Variants in PCDHGA2 observed in about 807,000 individuals in gnomAD.
PCDHGA2 encodes the protein protocadherin gamma subfamily A, 2.
PCDHGA2 carries 40 observed loss-of-function variants against 59.2 expected under a neutral mutation model. The ratio of observed to expected loss-of-function variants is 0.68; its 90% confidence interval spans 0.52 to 0.88. The LOEUF (loss-of-function observed/expected upper bound fraction) is 0.88, where lower values mean the gene tolerates loss of function less well. Among genes scored for constraint, PCDHGA2 ranks in the 40% least tolerant of loss-of-function variants. The pLI, the probability that PCDHGA2 is intolerant of heterozygous loss-of-function variation, is 0.00. For missense variants in PCDHGA2, 1,226 were observed against 1,204.0 expected (o/e 1.02, Z -0.27); for synonymous variants, 560 against 526.0 (o/e 1.06, Z -0.89).
chr5:141,420,186 C>A, intron 1 of PCDHGA2: 1 of 1,613,696 alleles, frequency 6.2e-7, no homozygotes, highest in Non-Finnish European at 8.5e-7. Context: ...CATTGTCCAG[C>A]CACACAAGAT....
At chr5:141,495,071 C>A (rs1391869079) in intron 2 of PCDHGA2, among the ~76,000 whole-genome samples, 1 of 152,160 alleles carries the variant, frequency 6.6e-6, no homozygotes, top group Non-Finnish European at 1.5e-5. Flanking sequence ...AAGCTCAATT[C>A]ACATGCTTGC....
intron 1 of PCDHGA2, chr5:141,352,085 G>A (rs774653294): frequency 6.2e-7 from 1 of 1,604,862 alleles, no homozygotes; most frequent in Non-Finnish European, 8.5e-7. Context: ...GCAGGCCAGC[G>A]AGCCCGGGCT....
Position 141,431,154 on chromosome 5 carries a change from A to G in PCDHGA2, c.2425-63653A>G, listed in dbSNP as rs754200786. ...AGGGACATTAACGACAATGCGCCTT[A>G]CTTTCGTGAAAGTGAATTAGAAATA... On this transcript the variant is annotated intron_variant, in intron 1 of 3. Coordinates refer to ENST00000394576, the MANE Select transcript of PCDHGA2 (RefSeq NM_018915.4). The surrounding 1 kb of genome is among the most constrained non-coding windows in gnomAD (Gnocchi z 4.8). 1.1e-5 allele frequency: 18 copies of G among 1,614,136 alleles called. No homozygotes were observed. In the East Asian group the frequency reaches 4.0e-4, roughly 36 times the overall value.
intron 1 of PCDHGA2, chr5:141,346,201 G>T (rs1282947071): frequency 1.9e-6 from 3 of 1,614,116 alleles, no homozygotes; most frequent in Non-Finnish European, 2.5e-6. Flanking sequence ...CACAAGTCAC[G>T]CCTGCTGCAG....
At chr5:141,360,126 G>A in intron 1 of PCDHGA2, 1 of 1,585,250 alleles carries the variant, frequency 6.3e-7, no homozygotes, top group Non-Finnish European at 8.6e-7. Context: ...GGAGCAAAGG[G>A]AGCCAGAAGA....
At chr5:141,429,523 A>G (rs1009016050) in intron 1 of PCDHGA2, among the ~76,000 whole-genome samples, 1 of 152,174 alleles carries the variant, frequency 6.6e-6, no homozygotes, top group Non-Finnish European at 1.5e-5. Context: ...CAGAGAAAAA[A>G]GCTTAAAAAA....
At chr5:141,440,280 A>G (rs1389627767) in intron 1 of PCDHGA2, 1 of 152,220 alleles carries the variant, frequency 6.6e-6, no homozygotes, top group East Asian at 1.9e-4. Context: ...CAGCCTGACC[A>G]ACATAGTGAA....
chr5:141,415,304 C>A, intron 1 of PCDHGA2: 1 of 1,614,188 alleles, frequency 6.2e-7, no homozygotes, highest in Non-Finnish European at 8.5e-7. Context: ...GTCTTCCTGG[C>A]CTTCGTCATC....
intron 1 of PCDHGA2, among the ~76,000 whole-genome samples, chr5:141,459,563 C>CAAAACAGAATT (rs1554142058): frequency 5.3e-5 from 8 of 152,044 alleles, no homozygotes; most frequent in Non-Finnish European, 2.9e-5. Context: ...ATAAATACCC[C>CAAAACAGAATT]AAAACAGAAT....
intron 1 of PCDHGA2, chr5:141,420,239 C>G (rs984335177): frequency 1.3e-6 from 2 of 1,593,300 alleles, no homozygotes; most frequent in African/African-American, 2.7e-5. Flanking sequence ...CATTTTAACT[C>G]CCAGCGTTGA....
intron 1 of PCDHGA2, among the ~76,000 whole-genome samples, chr5:141,354,582 G>A (rs748405111): frequency 1.3e-5 from 2 of 152,178 alleles, no homozygotes; most frequent in Non-Finnish European, 2.9e-5. Flanking sequence ...CATAAATTGG[G>A]ACTAAAGCCA....
intron 1 of PCDHGA2, chr5:141,390,735 C>T (rs1453703867): frequency 5.3e-6 from 1 of 189,140 alleles, no homozygotes; most frequent in Non-Finnish European, 1.1e-5. Context: ...CTGGTATGGT[C>T]TCCATAGTAG....
chr5:141,373,498 G>A (rs1282997273), intron 1 of PCDHGA2, among the ~76,000 whole-genome samples: 2 of 152,206 alleles, frequency 1.3e-5, no homozygotes, highest in Non-Finnish European at 2.9e-5. Flanking sequence ...ACTCTAGCCT[G>A]GGAGACAGAG....
rs61612330 is a variant in PCDHGA2, at chr5:141,454,796, A to ATTTTTTTTTTTTTTTTTTTTTTTTTT, written c.2425-40007_2425-39982dup. Among the ~76,000 whole-genome samples, 3 of 77,456 alleles carry ATTTTTTTTTTTTTTTTTTTTTTTTTT rather than the reference A, an allele frequency of 3.9e-5. 1 individual carries two copies. The highest frequency in any genetic ancestry group is 1.2e-4 in the African/African-American group (2 of 16,882). 50.8% of individuals were successfully genotyped at this position (77,456 alleles called of 152,430 possible). A position where few individuals can be genotyped will look rare whatever the true frequency, so the allele number is the denominator to read the frequency against. On this transcript the variant is annotated intron_variant, in intron 1 of 3. Transcript: ENST00000394576. Reference sequence around the variant, plus strand: ...AAGGAAATAATCCTCCATGGTTCTAATTTTTTTTTTTTTTTTTTTTTTTTT... The same window carrying ATTTTTTTTTTTTTTTTTTTTTTTTTT: ...AAGGAAATAATCCTCCATGGTTCTAATTTTTTTTTTTTTTTTTTTTTTTTTTTTTTTTTTTTTTTTTTTTTTTTTTT...
intron 1 of PCDHGA2, chr5:141,356,555 T>C (rs1760254729): frequency 6.2e-7 from 1 of 1,613,964 alleles, no homozygotes; most frequent in Non-Finnish European, 8.5e-7. Context: ...CCACCCACTT[T>C]CCCTCATGCT....
intron 1 of PCDHGA2, among the ~76,000 whole-genome samples, chr5:141,445,078 G>T (rs1591839605): frequency 6.6e-6 from 1 of 152,208 alleles, no homozygotes; most frequent in East Asian, 1.9e-4. Flanking sequence ...TCATTAAATT[G>T]TCCCTACATA....
In PCDHGA2 at chr5:141,394,790, G is replaced by A. The variant is rs776824024; in HGVS notation, c.2424+53395G>A. The A allele has an allele frequency of 2.4e-5, 39 of 1,613,718 alleles. No homozygotes were observed. The African/African-American group carries it at 3.2e-4, about 13-fold the overall frequency. ...AGCCCCCTCTCTCCGCCACTGTCAC[G>A]CTCACCGTAGCCGTGGCTGACAGCA... On this transcript the variant is annotated intron_variant, in intron 1 of 3. Transcript: ENST00000394576.
At position 141,365,619 on chromosome 5, in the gene PCDHGA2, C is replaced by T. The variant is rs373801138; in HGVS notation, c.2424+24224C>T. The T allele has an allele frequency of 2.5e-6, 4 of 1,613,488 alleles. No homozygotes were observed. The African/African-American group carries it at 4.0e-5, about 16-fold the overall frequency. Reference sequence around the variant, plus strand: ...TTAACCGTCATGGACCATGGAACCCCGCCCCTCTCTACAGAAAGCCACATC... The same window carrying T: ...TTAACCGTCATGGACCATGGAACCCTGCCCCTCTCTACAGAAAGCCACATC... On this transcript the variant is annotated intron_variant, in intron 1 of 3. Transcript: ENST00000394576.
intron 1 of PCDHGA2, chr5:141,409,602 C>T (rs940700383): frequency 6.2e-7 from 1 of 1,613,932 alleles, no homozygotes; most frequent in South Asian, 1.1e-5. Flanking sequence ...AACAACCCGC[C>T]AGGAGCCTCC....
Sources: allele counts gnomAD v4.1 joint callset (sites outside exome capture counted in the v4.1 genomes callset), GRCh38; gene constraint gnomAD v4.1.1; non-coding constraint Gnocchi (gnomAD v3.1); transcripts MANE v1.5; gene names NCBI Gene and HGNC (gene_info 2026-07-23, HGNC 2026-07-21).